MTOR: variants seen among roughly 807,000 people sequenced by gnomAD.
MTOR encodes mechanistic target of rapamycin kinase, also known as serine/threonine-protein kinase mTOR.
A neutral mutation model predicts 319.8 loss-of-function variants in MTOR; 70 were observed. The observed-to-expected ratio is 0.22, with a 90% CI of 0.18 to 0.27. The LOEUF (loss-of-function observed/expected upper bound fraction) is 0.27, where lower values mean the gene tolerates loss of function less well. MTOR is among the 10% of genes least tolerant of loss of function. MTOR has a pLI of 1.00. For missense variants in MTOR, 1,890 were observed against 3,274.4 expected (o/e 0.58, Z 10.32); for synonymous variants, 1,183 against 1,211.4 (o/e 0.98, Z 0.49).
At chr1:11,184,362 C>T (rs1230244743) in intron 28 of MTOR, among the ~76,000 whole-genome samples, 1 of 152,162 alleles carries the variant, frequency 6.6e-6, no homozygotes, top group African/African-American at 2.4e-5. Flanking sequence ...TGCCAAATGA[C>T]CCCGTCAGGG....
At chr1:11,165,318 G>A (rs944492579) in intron 29 of MTOR, among the ~76,000 whole-genome samples, 2 of 152,098 alleles carry the variant, frequency 1.3e-5, no homozygotes, top group South Asian at 2.1e-4. Flanking sequence ...CTGTTTGCAG[G>A]TGACATGATT....
chr1:11,116,498 C>T (rs926992923), intron 50 of MTOR, among the ~76,000 whole-genome samples: 5 of 151,826 alleles, frequency 3.3e-5, no homozygotes, highest in Admixed American at 2.0e-4. Flanking sequence ...TTTGTAGAGA[C>T]GGGATCTTGC....
At chr1:11,194,396 G>C in intron 28 of MTOR, 1 of 1,468,104 alleles carries the variant, frequency 6.8e-7, no homozygotes, top group East Asian at 2.3e-5. Flanking sequence ...AGGAGAGAAG[G>C]GGTATAGAGA....
chr1:11,238,351 T>C (rs1280842779), intron 12 of MTOR, 51 bp downstream of exon 12: 8 of 1,581,736 alleles, frequency 5.1e-6, no homozygotes, highest in Non-Finnish European at 6.9e-6. Flanking sequence ...TACTCCCAAT[T>C]GTCCTAAGCT....
chr1:11,174,080 C>T lies in MTOR; in HGVS notation c.4254-6563G>A, dbSNP rs187245669. Among the ~76,000 whole-genome samples, 534 of 152,268 alleles carry T rather than the reference C, an allele frequency of 3.5e-3. 6 individuals are homozygous for T. The highest frequency in any genetic ancestry group is 0.012 in the African/African-American group (505 of 41,536). ...AGCCCAGTAGGTCACAGGCTATTGC[C>T]TTCCCTTAAAAGGTGACTTTCTCTT... On this transcript the variant is annotated intron_variant, in intron 28 of 57. Coordinates refer to ENST00000361445, the MANE Select transcript of MTOR (RefSeq NM_004958.4).
chr1:11,195,245 C>G lies in MTOR; in HGVS notation c.4253+4013G>C, dbSNP rs1391528466. 3 of 530,978 alleles carry G rather than the reference C, an allele frequency of 5.6e-6. No individual in the cohort carries two copies. In the African/African-American group the frequency reaches 5.7e-5, roughly 10 times the overall value. The allele number at this position is 530,978 out of a possible 1,614,324, so 32.9% of individuals were successfully genotyped here. On this transcript the variant is annotated intron_variant, in intron 28 of 57. Transcript: ENST00000361445. ...TTAAACCCACTGGGTCCTGCCACAT[C>G]CTTCTCAAGGTGGTAGACTGAGTGG...
intron 29 of MTOR, among the ~76,000 whole-genome samples, chr1:11,158,903 TA>T: frequency 6.6e-6 from 1 of 152,314 alleles, no homozygotes. Flanking sequence ...AGATTGCTGT[TA>T]CATAAATTTT....
chr1:11,123,409 CTTTTTTTTT>C (rs950653302), intron 47 of MTOR, among the ~76,000 whole-genome samples: 115 of 122,026 alleles, frequency 9.4e-4, no homozygotes, highest in Non-Finnish European at 1.6e-3. Context: ...CTGTGCCCAG[CTTTTTTTTT>C]TTTTTTTTTT....
chr1:11,232,666 G>A, intron 15 of MTOR, 138 bp from the exon 16 acceptor site: 1 of 627,512 alleles, frequency 1.6e-6, no homozygotes, highest in Non-Finnish European at 2.8e-6. Context: ...CCTGGCATCA[G>A]GAGCTCCAGA....
chr1:11,201,547 C>T (rs910694142), intron 26 of MTOR, among the ~76,000 whole-genome samples: 1 of 151,964 alleles, frequency 6.6e-6, no homozygotes, highest in African/African-American at 2.4e-5. Context: ...CTTGCCAATG[C>T]GAAGGGCTGC....
Position 11,243,880 on chromosome 1 carries a change from C to T in MTOR, c.1226-580G>A, listed in dbSNP as rs571863410. 2.6e-5 allele frequency among the ~76,000 whole-genome samples: 4 copies of T among 152,138 alleles called. No homozygotes were observed. In the East Asian group the frequency reaches 5.8e-4, roughly 22 times the overall value. On this transcript the variant is annotated intron_variant, in intron 8 of 57. Coordinates refer to ENST00000361445, the MANE Select transcript of MTOR (RefSeq NM_004958.4). ...TGAAATTTGAAGTACAGTCATGGGC[C>T]GGGTGCAGTGTCTCACACATGTAAT...
intron 24 of MTOR, among the ~76,000 whole-genome samples, 165 bp downstream of exon 24, chr1:11,210,649 C>G (rs908392786): frequency 1.3e-5 from 2 of 152,168 alleles, no homozygotes; most frequent in African/African-American, 4.8e-5. Flanking sequence ...AGTGGCAGAG[C>G]TGAGGAGCTG....
intron 5 of MTOR, 77 bp from the exon 6 acceptor site, chr1:11,254,050 C>T: frequency 1.9e-6 from 3 of 1,580,522 alleles, no homozygotes; most frequent in Middle Eastern, 1.7e-4. Flanking sequence ...CCCATCTACA[C>T]TGGGGGTTCT....
chr1:11,127,948 G>T lies in MTOR; in HGVS notation c.6033+56C>A. 6.2e-7 allele frequency: 1 copy of T among 1,605,912 alleles called. No individual in the cohort carries two copies. The highest frequency in any genetic ancestry group is 8.5e-7 in the Non-Finnish European group (1 of 1,177,308). On this transcript the variant is annotated intron_variant, in intron 43 of 57. Transcript: ENST00000361445. This position sits in a 1 kb window ranked among gnomAD's most constrained non-coding sequence, Gnocchi z 5.5. ...GCGAGGAAGAAAAACAATCCCACTT[G>T]CGCCCACCAGCTAAGGGACCAGGGT...
intron 38 of MTOR, 83 bp downstream of exon 38, chr1:11,132,997 A>C: frequency 8.5e-7 from 1 of 1,177,598 alleles, no homozygotes. Flanking sequence ...AGCTCCGCAG[A>C]AGCTCAGCTG....
chr1:11,153,144 G>A (rs1644204065), intron 30 of MTOR, among the ~76,000 whole-genome samples: 1 of 152,176 alleles, frequency 6.6e-6, no homozygotes, highest in South Asian at 2.1e-4. Context: ...TACTAACCCA[G>A]CTAGGAAAAG....
chr1:11,148,682 A>ACGAGATCAGGAGTT (rs1644028559), intron 31 of MTOR, among the ~76,000 whole-genome samples: 1 of 152,022 alleles, frequency 6.6e-6, no homozygotes, highest in Admixed American at 6.6e-5. Flanking sequence ...AGGATGGATC[A>ACGAGATCAGGAGTT]CGAGATCAGG....
chr1:11,175,347 T>C (rs1448217043), intron 28 of MTOR, among the ~76,000 whole-genome samples: 1 of 152,170 alleles, frequency 6.6e-6, no homozygotes, highest in Non-Finnish European at 1.5e-5. Context: ...TTCTCATTCA[T>C]TCTCCACTCT....
intron 30 of MTOR, among the ~76,000 whole-genome samples, chr1:11,151,233 T>C (rs1032181038): frequency 6.6e-6 from 1 of 152,082 alleles, no homozygotes; most frequent in African/African-American, 2.4e-5. Flanking sequence ...GGAGAGGTAC[T>C]CAGGGCCATT....
Sources: gnomAD v4.1 joint callset for allele counts (sites outside exome capture counted in the v4.1 genomes callset) on GRCh38, gnomAD v4.1.1 for gene constraint, Gnocchi (gnomAD v3.1) non-coding constraint, MANE v1.5 for transcripts, NCBI Gene and HGNC (gene_info 2026-07-23, HGNC 2026-07-21) for gene names.